The following FSTL5 variants were observed in gnomAD, a reference collection of about 807,000 sequenced individuals.
FSTL5 encodes follistatin-related protein 5.
FSTL5 carries 62 observed loss-of-function variants against 89.1 expected under a neutral mutation model. The observed-to-expected ratio is 0.70, with a 90% CI of 0.57 to 0.86. The LOEUF is 0.86. FSTL5 is among the 40% of genes least tolerant of loss of function. The pLI is 0.00. For synonymous variants in FSTL5, 383 were observed against 346.2 expected, an observed-to-expected ratio of 1.11 and a Z score of -1.18; for missense variants, 1,057 against 1,001.6, an observed-to-expected ratio of 1.06 and a Z score of -0.75.
chr4:161,458,394 AC>A (rs1160020491), intron 14 of FSTL5, among the ~76,000 whole-genome samples: 10 of 152,360 alleles, frequency 6.6e-5, no homozygotes, highest in Middle Eastern at 6.8e-3. Flanking sequence ...TATTCTATTT[AC>A]ATAAAACTGT....
chr4:161,627,576 G>C (rs1200234823), intron 7 of FSTL5, among the ~76,000 whole-genome samples: 1 of 152,014 alleles, frequency 6.6e-6, no homozygotes, highest in Non-Finnish European at 1.5e-5. Flanking sequence ...TAGAAAATGT[G>C]TTTTTGTTAG....
At chr4:161,460,192 A>G (rs1008670730) in intron 13 of FSTL5, among the ~76,000 whole-genome samples, 3 of 152,046 alleles carry the variant, frequency 2.0e-5, no homozygotes, top group Non-Finnish European at 4.4e-5. Context: ...CCAAAGCTCT[A>G]TTAAATATCC....
rs149564472 is a variant in FSTL5, at chr4:161,813,319, G to A, written c.410-37245C>T. Among the ~76,000 whole-genome samples the A allele has an allele frequency of 1.7e-3, 253 of 152,168 alleles. 4 individuals are homozygous for A. Among genetic ancestry groups the A allele is most frequent in the Admixed American group, 3.4e-3 (52 of 15,272 alleles). Reference sequence around the variant, plus strand: ...GCTGGGATTACAAGTGTGAGCCACCGCGCCTGGCTGAAAGATTCTTTAGAA... The same window carrying A: ...GCTGGGATTACAAGTGTGAGCCACCACGCCTGGCTGAAAGATTCTTTAGAA... On this transcript the variant is annotated intron_variant, in intron 4 of 15. Transcript: ENST00000306100.
chr4:161,654,983 C>T (rs984760559), intron 7 of FSTL5, among the ~76,000 whole-genome samples: 1 of 152,102 alleles, frequency 6.6e-6, no homozygotes, highest in African/African-American at 2.4e-5. Context: ...CTTTATTGAA[C>T]TGAATTTAAA....
chr4:161,689,915 G>A (rs75610846), intron 6 of FSTL5, among the ~76,000 whole-genome samples: 1,758 of 152,060 alleles, frequency 0.012, 29 homozygotes, highest in African/African-American at 0.04. Flanking sequence ...TGACCTTTTC[G>A]TCTTTGTTGT....
chr4:161,473,549 T>C (rs1335808893), intron 13 of FSTL5, among the ~76,000 whole-genome samples: 1 of 151,624 alleles, frequency 6.6e-6, no homozygotes, highest in Admixed American at 6.6e-5. Context: ...ATCACTCAGC[T>C]TCCCAAGTAT....
intron 6 of FSTL5, among the ~76,000 whole-genome samples, chr4:161,702,034 T>C (rs1738409802): frequency 6.6e-6 from 1 of 152,124 alleles, no homozygotes; most frequent in Non-Finnish European, 1.5e-5. Flanking sequence ...TTTAAACCCA[T>C]TTCAAAGGGA....
intron 10 of FSTL5, among the ~76,000 whole-genome samples, chr4:161,529,284 G>A (rs1302266987): frequency 7.1e-6 from 1 of 141,078 alleles, no homozygotes; most frequent in African/African-American, 2.6e-5. Context: ...TAAAAATATA[G>A]TCTTCATATA....
chr4:161,737,646 G>A (rs928450524), intron 6 of FSTL5, among the ~76,000 whole-genome samples: 1 of 151,842 alleles, frequency 6.6e-6, no homozygotes, highest in Admixed American at 6.6e-5. Context: ...AGAGTGAAAG[G>A]AAAATCAACA....
chr4:161,631,544 G>C (rs1259207917), intron 7 of FSTL5, among the ~76,000 whole-genome samples: 2 of 152,268 alleles, frequency 1.3e-5, no homozygotes, highest in African/African-American at 2.4e-5. Flanking sequence ...TTGAACCCAG[G>C]GGGCAGAGGT....
intron 7 of FSTL5, among the ~76,000 whole-genome samples, chr4:161,618,917 T>C (rs953245077): frequency 2.8e-4 from 43 of 152,310 alleles, no homozygotes; most frequent in African/African-American, 1.0e-3. Context: ...GCTGGAGGCA[T>C]CATGATACCT....
chr4:161,992,952 C>A (rs7435306), intron 3 of FSTL5, among the ~76,000 whole-genome samples: 769 of 5,724 alleles, frequency 0.13, 16 homozygotes, highest in Non-Finnish European at 0.3. Flanking sequence ...GTGTGTATAT[C>A]TATATATATA....
chr4:162,007,093 G>C (rs986467473), intron 3 of FSTL5, among the ~76,000 whole-genome samples: 1 of 151,662 alleles, frequency 6.6e-6, no homozygotes, highest in African/African-American at 2.4e-5. Flanking sequence ...ACAATTACCA[G>C]GAATTCATCA....
chr4:161,935,019 A>T (rs1234936562), intron 3 of FSTL5, among the ~76,000 whole-genome samples: 4 of 152,178 alleles, frequency 2.6e-5, no homozygotes, highest in Non-Finnish European at 5.9e-5. Flanking sequence ...TGATGATGTA[A>T]TGTAACTTTA....
At chr4:161,397,547 T>C (rs1731047171) in intron 15 of FSTL5, among the ~76,000 whole-genome samples, 2 of 151,382 alleles carry the variant, frequency 1.3e-5, no homozygotes, top group Non-Finnish European at 3.0e-5. Context: ...TAAAATGATA[T>C]CTATATCGAT....
At chr4:161,603,783 G>A (rs931967990) in intron 7 of FSTL5, among the ~76,000 whole-genome samples, 6 of 152,028 alleles carry the variant, frequency 3.9e-5, no homozygotes, top group African/African-American at 1.4e-4. Flanking sequence ...CAAAGTAAAG[G>A]TGTCAACGTA....
chr4:162,146,707 T>A (rs1476497682), intron 1 of FSTL5, among the ~76,000 whole-genome samples: 1 of 109,220 alleles, frequency 9.2e-6, no homozygotes, highest in Non-Finnish European at 1.9e-5. Context: ...TCCCTTCCCT[T>A]CCCCTTCCCC....
At chr4:161,571,183 T>C (rs574355037) in intron 8 of FSTL5, among the ~76,000 whole-genome samples, 1 of 151,838 alleles carries the variant, frequency 6.6e-6, no homozygotes, top group South Asian at 2.1e-4. Context: ...AAGAAAGTAA[T>C]GGATTATGTT....
intron 1 of FSTL5, among the ~76,000 whole-genome samples, chr4:162,118,409 C>T (rs1288353353): frequency 1.3e-5 from 2 of 152,048 alleles, no homozygotes; most frequent in African/African-American, 4.8e-5. Context: ...TACAGGGCCC[C>T]GCCACCACGC....
Sources: gnomAD v4.1 joint callset for allele counts (sites outside exome capture counted in the v4.1 genomes callset) on GRCh38, gnomAD v4.1.1 for gene constraint, MANE v1.5 for transcripts, NCBI Gene and HGNC (gene_info 2026-07-23, HGNC 2026-07-21) for gene names.